Variants in NELL2 observed in about 807,000 individuals in gnomAD.
NELL2 encodes protein kinase C-binding protein NELL2.
NELL2 carries 41 observed loss-of-function variants against 109.6 expected under a neutral mutation model. That is an observed-to-expected ratio of 0.37 (90% CI 0.29 to 0.49). The LOEUF (loss-of-function observed/expected upper bound fraction) is 0.49. Among genes scored for constraint, NELL2 ranks in the 20% least tolerant of loss-of-function variants. The probability of loss-of-function intolerance (pLI) is 0.98; values close to 1 mark genes in which losing one functional copy is unlikely to be tolerated. For synonymous variants in NELL2, 355 were observed against 344.7 expected (o/e 1.03, Z -0.33); for missense variants, 900 against 1,008.3 (o/e 0.89, Z 1.45).
At chr12:44,527,705 T>A (rs1032598072) in intron 16 of NELL2, among the ~76,000 whole-genome samples, 1 of 152,194 alleles carries the variant, frequency 6.6e-6, no homozygotes, top group East Asian at 1.9e-4. Context: ...AATATTACAA[T>A]TCTACACATC....
chr12:44,568,665 A>G (rs1199095512), intron 15 of NELL2, among the ~76,000 whole-genome samples: 1 of 152,062 alleles, frequency 6.6e-6, no homozygotes, highest in Non-Finnish European at 1.5e-5. Flanking sequence ...GATAGAATTC[A>G]CTTTTATGAG....
chr12:44,708,114 C>T (rs1397649726), intron 11 of NELL2, among the ~76,000 whole-genome samples: 1 of 152,140 alleles, frequency 6.6e-6, no homozygotes, highest in Non-Finnish European at 1.5e-5. Flanking sequence ...CACATTATTT[C>T]TTTATCTTTC....
chr12:44,575,216 G>A (rs1434431029), intron 15 of NELL2, among the ~76,000 whole-genome samples: 1 of 152,162 alleles, frequency 6.6e-6, no homozygotes, highest in Admixed American at 6.5e-5. Context: ...ATAGAAATTC[G>A]TGAGCACAAT....
intron 9 of NELL2, among the ~76,000 whole-genome samples, chr12:44,742,091 G>T (rs866498345): frequency 2.6e-5 from 4 of 152,066 alleles, no homozygotes; most frequent in Non-Finnish European, 4.4e-5. Context: ...TCACACAGCC[G>T]GGTACTCCTC....
chr12:44,849,350 T>G (rs575165793), intron 2 of NELL2, among the ~76,000 whole-genome samples: 3 of 152,182 alleles, frequency 2.0e-5, no homozygotes, highest in Admixed American at 2.0e-4. Flanking sequence ...AATAAAAAGA[T>G]GCAAATCTCA....
At chr12:44,692,862 T>G (rs1417217330) in intron 12 of NELL2, among the ~76,000 whole-genome samples, 1 of 152,188 alleles carries the variant, frequency 6.6e-6, no homozygotes, top group Admixed American at 6.5e-5. Context: ...TTGTTTCTTA[T>G]GAATAAGCAA....
At chr12:44,622,207 C>G (rs1218626447) in intron 13 of NELL2, among the ~76,000 whole-genome samples, 4 of 151,806 alleles carry the variant, frequency 2.6e-5, no homozygotes, top group African/African-American at 9.7e-5. Flanking sequence ...CCTGTAACAC[C>G]CGTGAGATTT....
chr12:44,534,927 A>G (rs1042339632), intron 15 of NELL2, among the ~76,000 whole-genome samples: 2 of 151,996 alleles, frequency 1.3e-5, no homozygotes, highest in Non-Finnish European at 2.9e-5. Flanking sequence ...TTTCTATGGT[A>G]TAGATATATA....
intron 2 of NELL2, among the ~76,000 whole-genome samples, chr12:44,853,677 A>G (rs1424439122): frequency 6.6e-6 from 1 of 152,226 alleles, no homozygotes; most frequent in Non-Finnish European, 1.5e-5. Context: ...ACTAATACTT[A>G]CATTACAACA....
At chr12:44,570,157 T>C (rs897966302) in intron 15 of NELL2, among the ~76,000 whole-genome samples, 1 of 152,224 alleles carries the variant, frequency 6.6e-6, no homozygotes, top group South Asian at 2.1e-4. Context: ...TTATAGTTCA[T>C]TAATTCTTCA....
chr12:44,625,034 T>TA (rs1555187351), intron 13 of NELL2, among the ~76,000 whole-genome samples: 4 of 116,120 alleles, frequency 3.4e-5, no homozygotes, highest in South Asian at 7.5e-4. Context: ...ATATATATAT[T>TA]TCTGAACAAG....
intron 12 of NELL2, among the ~76,000 whole-genome samples, chr12:44,689,539 T>C (rs1291306382): frequency 6.6e-6 from 1 of 152,208 alleles, no homozygotes; most frequent in Non-Finnish European, 1.5e-5. Context: ...GCAGCCCTTA[T>C]GTCCCCATAC....
intron 5 of NELL2, among the ~76,000 whole-genome samples, chr12:44,779,017 T>C (rs1941856279): frequency 6.6e-6 from 1 of 152,178 alleles, no homozygotes; most frequent in Admixed American, 6.5e-5. Flanking sequence ...GGGACTGTCA[T>C]AGCCACTGGG....
intron 2 of NELL2, among the ~76,000 whole-genome samples, chr12:44,827,887 A>C (rs1203312518): frequency 6.6e-6 from 1 of 152,132 alleles, no homozygotes; most frequent in Non-Finnish European, 1.5e-5. Context: ...GGAACCTCCA[A>C]ACCATTCTCC....
At chr12:44,893,641 C>T (rs866953787) in intron 1 of NELL2, among the ~76,000 whole-genome samples, 1 of 152,154 alleles carries the variant, frequency 6.6e-6, no homozygotes. Flanking sequence ...CTGTCTTAAA[C>T]CAGACTGACT....
At chr12:44,691,211 C>A (rs1200937881) in intron 12 of NELL2, among the ~76,000 whole-genome samples, 1 of 152,168 alleles carries the variant, frequency 6.6e-6, no homozygotes, top group Non-Finnish European at 1.5e-5. Context: ...TCTGCCAGCA[C>A]CATTTTTCCA....
rs112211640 is a variant in NELL2, at chr12:44,863,481, C to T, written c.184+11744G>A. The stretch of plus-strand genomic sequence containing the variant: ...GTTTTCTCAACAGAAGTCTTACAGA[C>T]GAGGAGAGAGCTGGGTGATATTAAA... On this transcript the variant is annotated intron_variant, in intron 2 of 19. Transcript: ENST00000429094. Among the ~76,000 whole-genome samples the T allele has an allele frequency of 4.9e-3, 742 of 151,558 alleles. 5 individuals carry two copies. Among genetic ancestry groups the T allele is most frequent in the African/African-American group, 0.017 (692 of 41,276 alleles).
intron 12 of NELL2, among the ~76,000 whole-genome samples, chr12:44,700,391 C>A (rs965103860): frequency 6.6e-6 from 1 of 152,044 alleles, no homozygotes; most frequent in African/African-American, 2.4e-5. Context: ...ATTAGCTGTC[C>A]CTTGTTCTTA....
chr12:44,757,142 T>C (rs1940926509), intron 9 of NELL2, among the ~76,000 whole-genome samples: 1 of 152,180 alleles, frequency 6.6e-6, no homozygotes, highest in Non-Finnish European at 1.5e-5. Flanking sequence ...CTCTCTCCCT[T>C]GGTCCTTGAA....
Sources: allele counts gnomAD v4.1 joint callset (sites outside exome capture counted in the v4.1 genomes callset), GRCh38; gene constraint gnomAD v4.1.1; transcripts MANE v1.5; gene names NCBI Gene and HGNC (gene_info 2026-07-23, HGNC 2026-07-21).